The following GABRG3 variants were observed in gnomAD, a reference collection of about 807,000 sequenced individuals.
GABRG3 encodes the protein gamma-aminobutyric acid receptor subunit gamma-3.
A neutral mutation model predicts 48.8 loss-of-function variants in GABRG3; 25 were observed. That is an observed-to-expected ratio of 0.51 (90% CI 0.37 to 0.72). The LOEUF is 0.72. Ranked by LOEUF, GABRG3 falls within the 30% of genes least tolerant of loss-of-function variation. The pLI is 0.00. For missense variants in GABRG3, 394 were observed against 577.9 expected (o/e 0.68, Z 3.26); for synonymous variants, 227 against 217.6 (o/e 1.04, Z -0.38).
intron 6 of GABRG3, among the ~76,000 whole-genome samples, chr15:27,482,536 C>T (rs1890125183): frequency 1.3e-5 from 2 of 152,324 alleles, no homozygotes; most frequent in Non-Finnish European, 1.5e-5. Flanking sequence ...TAAAGGATCC[C>T]TCTCAGATAA....
At chr15:27,397,612 C>T (rs370776750) in intron 5 of GABRG3, among the ~76,000 whole-genome samples, 149 of 152,182 alleles carry the variant, frequency 9.8e-4, no homozygotes, top group African/African-American at 3.5e-3. Flanking sequence ...AATTTGCCTC[C>T]GCCTCTGCTC....
chr15:27,018,084 T>C (rs997562947), intron 2 of GABRG3, among the ~76,000 whole-genome samples: 2 of 152,242 alleles, frequency 1.3e-5, no homozygotes, highest in African/African-American at 2.4e-5. Flanking sequence ...AAACTTATCT[T>C]TCCTGTTATA....
intron 3 of GABRG3, among the ~76,000 whole-genome samples, chr15:27,029,610 G>A (rs553831475): frequency 1.3e-5 from 2 of 152,182 alleles, no homozygotes; most frequent in African/African-American, 4.8e-5. Context: ...GTTGCTGTGT[G>A]TCTCTCTCTG....
chr15:27,417,545 C>T (rs906189454), intron 5 of GABRG3, among the ~76,000 whole-genome samples: 8 of 152,068 alleles, frequency 5.3e-5, no homozygotes, highest in South Asian at 2.1e-4. Flanking sequence ...TTCCATCACC[C>T]GGGGCTCAGG....
intron 5 of GABRG3, among the ~76,000 whole-genome samples, chr15:27,408,319 T>C (rs949005306): frequency 2.0e-5 from 3 of 152,124 alleles, no homozygotes; most frequent in Non-Finnish European, 4.4e-5. Flanking sequence ...CCCAGATGTA[T>C]TGAATATTAG....
intron 3 of GABRG3, among the ~76,000 whole-genome samples, chr15:27,031,063 G>GACAC (rs72485766): frequency 0.11 from 16,538 of 149,790 alleles, 1,010 homozygotes; most frequent in East Asian, 0.19. Flanking sequence ...CACACACACA[G>GACAC]ACACACACAC....
At chr15:26,998,552 A>T (rs1764935740) in intron 2 of GABRG3, among the ~76,000 whole-genome samples, 1 of 152,180 alleles carries the variant, frequency 6.6e-6, no homozygotes, top group Admixed American at 6.5e-5. Flanking sequence ...GAGCACCTGG[A>T]ATAAACTCCC....
intron 3 of GABRG3, among the ~76,000 whole-genome samples, chr15:27,038,991 A>G (rs1028484845): frequency 3.3e-5 from 5 of 152,192 alleles, no homozygotes; most frequent in African/African-American, 1.2e-4. Flanking sequence ...GTGATGGCAC[A>G]TTTTATTCAG....
intron 3 of GABRG3, among the ~76,000 whole-genome samples, chr15:27,310,455 A>C (rs1402738042): frequency 6.6e-6 from 1 of 152,150 alleles, no homozygotes; most frequent in East Asian, 1.9e-4. Flanking sequence ...ACTATAAACC[A>C]TTAATGAGAG....
intron 5 of GABRG3, among the ~76,000 whole-genome samples, chr15:27,423,466 A>T (rs1566834224): frequency 6.6e-6 from 1 of 151,578 alleles, no homozygotes; most frequent in Non-Finnish European, 1.5e-5. Flanking sequence ...CTATTATCAA[A>T]TCTGGACTCA....
chr15:27,516,840 T>TA (rs1427630321), intron 6 of GABRG3, among the ~76,000 whole-genome samples: 3 of 152,362 alleles, frequency 2.0e-5, no homozygotes, highest in Admixed American at 2.0e-4. Flanking sequence ...TGTTTAATGC[T>TA]AAAAAGCAAT....
chr15:27,199,733 A>T (rs1218544136), intron 3 of GABRG3, among the ~76,000 whole-genome samples: 1 of 152,204 alleles, frequency 6.6e-6, no homozygotes, highest in Admixed American at 6.5e-5. Context: ...AGTGCCTTGT[A>T]GAACCATAAA....
chr15:27,516,618 T>C (rs925461651), intron 6 of GABRG3, among the ~76,000 whole-genome samples: 2 of 152,216 alleles, frequency 1.3e-5, no homozygotes, highest in Non-Finnish European at 2.9e-5. Flanking sequence ...TTCTGACCTG[T>C]CTGAAATTGA....
At chr15:27,310,065 G>GGTT (rs1232374066) in intron 3 of GABRG3, among the ~76,000 whole-genome samples, 1 of 152,044 alleles carries the variant, frequency 6.6e-6, no homozygotes, top group Non-Finnish European at 1.5e-5. Flanking sequence ...ACACACCAAA[G>GGTT]GTTGATACTA....
intron 2 of GABRG3, among the ~76,000 whole-genome samples, chr15:26,989,026 G>C (rs4887534): frequency 0.55 from 83,844 of 151,882 alleles, 23,592 homozygotes; most frequent in African/African-American, 0.63. Flanking sequence ...ATCTTCATCT[G>C]TGCAAAAAGG....
In GABRG3 at chr15:26,976,978, C is replaced by A. The variant is rs371160450; in HGVS notation, c.54-24C>A. ...AGAGCCATTGCTGCCACTTATATGT[C>A]GCATTTTTGTGCTGTAACTCCAGGT... On this transcript the variant is annotated intron_variant, in intron 1 of 9. Coordinates refer to ENST00000615808, the MANE Select transcript of GABRG3 (RefSeq NM_033223.5). The surrounding 1 kb of genome is among the most constrained non-coding windows in gnomAD (Gnocchi z 7.8). The A allele has an allele frequency of 4.1e-5, 66 of 1,613,346 alleles. No homozygotes were observed. The highest frequency in any genetic ancestry group is 5.4e-5 in the Non-Finnish European group (64 of 1,179,672).
At position 26,971,565 on chromosome 15, in the gene GABRG3, C is replaced by T. The variant is rs1343645169; in HGVS notation, c.30C>T (p.Cys10=). 12 of 1,531,618 alleles carry T rather than the reference C, an allele frequency of 7.8e-6. No homozygotes were observed. Among genetic ancestry groups the T allele is most frequent in the Non-Finnish European group, 9.7e-6 (11 of 1,139,786 alleles). 94.9% of individuals were successfully genotyped at this position (1,531,618 alleles called of 1,614,324 possible). Residue 10 remains cysteine, a synonymous_variant, in exon 1 of 10, where the codon TGC becomes TGT. Coordinates refer to ENST00000615808, the MANE Select transcript of GABRG3 (RefSeq NM_033223.5). Reference sequence around the variant, plus strand: ...CCCCGAAGCTGCTGCTCCTCCTCTGCCTGTTCTCGGGCTTGCACGCGCGGT... The same window carrying T: ...CCCCGAAGCTGCTGCTCCTCCTCTGTCTGTTCTCGGGCTTGCACGCGCGGT... MAPKLLLLL[C]LFSGLHARSR...
At chr15:27,029,874 G>A (rs1896052921) in intron 3 of GABRG3, among the ~76,000 whole-genome samples, 2 of 152,138 alleles carry the variant, frequency 1.3e-5, no homozygotes, top group African/African-American at 4.8e-5. Context: ...CTTTGTGCTG[G>A]GAATGCTTTG....
chr15:27,320,621 T>C (rs1300504220), intron 3 of GABRG3, among the ~76,000 whole-genome samples: 1 of 152,234 alleles, frequency 6.6e-6, no homozygotes, highest in Admixed American at 6.5e-5. Context: ...ATATTCTGAG[T>C]CTTGCTCCTA....
Sources: allele counts gnomAD v4.1 joint callset (sites outside exome capture counted in the v4.1 genomes callset), GRCh38; gene constraint gnomAD v4.1.1; non-coding constraint Gnocchi (gnomAD v3.1); transcripts MANE v1.5; gene names NCBI Gene and HGNC (gene_info 2026-07-23, HGNC 2026-07-21).